The following RAB11FIP4 variants were observed in gnomAD, a reference collection of about 807,000 sequenced individuals.
RAB11FIP4 encodes rab11 family-interacting protein 4.
Under a neutral mutation model 74.3 loss-of-function variants are expected in RAB11FIP4, and 23 were observed. The ratio of observed to expected loss-of-function variants is 0.31; its 90% CI spans 0.22 to 0.44. RAB11FIP4 has a LOEUF of 0.44. Among genes scored for constraint, RAB11FIP4 ranks in the 20% least tolerant of loss-of-function variants. The pLI is 1.00. For missense variants in RAB11FIP4, 630 were observed against 863.9 expected (o/e 0.73, Z 3.39); for synonymous variants, 360 against 359.9 (o/e 1.00, Z 0.00).
At chr17:31,450,748 G>A (rs573479197) in intron 3 of RAB11FIP4, among the ~76,000 whole-genome samples, 80 of 149,232 alleles carry the variant, frequency 5.4e-4, no homozygotes, top group African/African-American at 1.9e-3. Flanking sequence ...TCCCAAGATA[G>A]TATTTTCCCC....
At chr17:31,397,422 G>A (rs1188740070) in intron 1 of RAB11FIP4, among the ~76,000 whole-genome samples, 2 of 152,192 alleles carry the variant, frequency 1.3e-5, no homozygotes, top group African/African-American at 2.4e-5. Context: ...AAGTCCCAAC[G>A]AGCTACTCCC....
At chr17:31,506,510 G>A (rs971112949) in intron 3 of RAB11FIP4, among the ~76,000 whole-genome samples, 9 of 152,116 alleles carry the variant, frequency 5.9e-5, no homozygotes, top group Non-Finnish European at 8.8e-5. Context: ...CTATAGCTTC[G>A]TGCCTGTTGA....
At chr17:31,413,245 G>A (rs2071115310) in intron 1 of RAB11FIP4, among the ~76,000 whole-genome samples, 1 of 152,276 alleles carries the variant, frequency 6.6e-6, no homozygotes, top group South Asian at 2.1e-4. Context: ...CCACAGCTCA[G>A]AGTGGCCCAA....
At chr17:31,396,814 A>C (rs920173319) in intron 1 of RAB11FIP4, among the ~76,000 whole-genome samples, 3 of 152,182 alleles carry the variant, frequency 2.0e-5, no homozygotes, top group Non-Finnish European at 4.4e-5. Context: ...AATAGAAATA[A>C]GAATCACCAA....
chr17:31,439,150 C>T (rs1006330602), intron 3 of RAB11FIP4, among the ~76,000 whole-genome samples: 5 of 152,174 alleles, frequency 3.3e-5, no homozygotes, highest in Admixed American at 3.3e-4. Context: ...TCCTTTTCAC[C>T]CCCAGGACAG....
intron 3 of RAB11FIP4, among the ~76,000 whole-genome samples, chr17:31,466,197 T>C (rs1202360895): frequency 6.6e-6 from 1 of 151,944 alleles, no homozygotes; most frequent in Non-Finnish European, 1.5e-5. Flanking sequence ...TTTACAGCAT[T>C]GCTTATCTGG....
Position 31,485,330 on chromosome 17 carries a change from G to A in RAB11FIP4, c.337-32321G>A, listed in dbSNP as rs905529158. On this transcript the variant is annotated intron_variant, in intron 3 of 14. Coordinates refer to ENST00000621161, the MANE Select transcript of RAB11FIP4 (RefSeq NM_032932.6). Reference sequence around the variant, plus strand: ...CACTACCTTTGAGAAAAATAAAGAAGGACCTACTGATACCACCCGTTCCAT... The same window carrying A: ...CACTACCTTTGAGAAAAATAAAGAAAGACCTACTGATACCACCCGTTCCAT... Among the ~76,000 whole-genome samples the A allele has an allele frequency of 4.6e-5, 7 of 152,264 alleles. No individual in the cohort carries two copies. The South Asian group carries it at 1.5e-3, about 32-fold the overall frequency.
intron 1 of RAB11FIP4, among the ~76,000 whole-genome samples, chr17:31,393,241 CG>C (rs998578837): frequency 6.6e-6 from 1 of 152,222 alleles, no homozygotes; most frequent in Admixed American, 6.5e-5. Context: ...CTGCCCTCTG[CG>C]GGGCTTTGCT....
At chr17:31,405,912 G>C (rs994914972) in intron 1 of RAB11FIP4, among the ~76,000 whole-genome samples, 1 of 152,034 alleles carries the variant, frequency 6.6e-6, no homozygotes, top group Admixed American at 6.5e-5. Context: ...AGAGATGGTG[G>C]TGTCTCCTCC....
At chr17:31,487,192 TG>T (rs1274101699) in intron 3 of RAB11FIP4, among the ~76,000 whole-genome samples, 2 of 152,242 alleles carry the variant, frequency 1.3e-5, no homozygotes, top group African/African-American at 4.8e-5. Flanking sequence ...CAACCACATT[TG>T]CAATATTTGC....
rs189050290 is a variant in RAB11FIP4 at position 31,528,592 on chromosome 17, C to T, written c.1495-28C>T. 8,693 of 1,613,344 alleles carry T rather than the reference C, an allele frequency of 5.4e-3. 44 individuals are homozygous for T. Among genetic ancestry groups the T allele is most frequent in the Middle Eastern group, 0.014 (87 of 6,060 alleles). ...CAGGGCTCCTTCCAGCATCCCTGCT[C>T]CTGCCAACCTGCTTCTCTCCCTCGC... On this transcript the variant is annotated intron_variant, in intron 12 of 14. Coordinates refer to ENST00000621161, the MANE Select transcript of RAB11FIP4 (RefSeq NM_032932.6).
At chr17:31,446,642 A>C (rs556928573) in intron 3 of RAB11FIP4, among the ~76,000 whole-genome samples, 1 of 151,440 alleles carries the variant, frequency 6.6e-6, no homozygotes, top group Admixed American at 6.6e-5. Flanking sequence ...AGAAAACTAG[A>C]AAAGACCCCC....
At chr17:31,443,603 C>A (rs2071425021) in intron 3 of RAB11FIP4, among the ~76,000 whole-genome samples, 1 of 140,506 alleles carries the variant, frequency 7.1e-6, no homozygotes, top group African/African-American at 2.8e-5. Flanking sequence ...GCACGCAGTC[C>A]CCTGATGGCA....
chr17:31,406,433 A>G (rs959995932), intron 1 of RAB11FIP4, among the ~76,000 whole-genome samples: 3 of 152,098 alleles, frequency 2.0e-5, no homozygotes, highest in African/African-American at 7.2e-5. Flanking sequence ...GCTTCTGGTC[A>G]CCTTTTCTAA....
At chr17:31,528,169 AG>A (rs1483242031) in intron 11 of RAB11FIP4, among the ~76,000 whole-genome samples, 1 of 152,248 alleles carries the variant, frequency 6.6e-6, no homozygotes, top group African/African-American at 2.4e-5. Flanking sequence ...CCTTCAATTC[AG>A]GTTGCATCTA....
At chr17:31,507,591 A>G (rs1423197594) in intron 3 of RAB11FIP4, among the ~76,000 whole-genome samples, 1 of 152,146 alleles carries the variant, frequency 6.6e-6, no homozygotes, top group African/African-American at 2.4e-5. Context: ...TATTCTGGCT[A>G]TCAGTCATCT....
In RAB11FIP4 at chr17:31,496,861, C is replaced by T. The variant is rs939724590; in HGVS notation, c.337-20790C>T. 5.9e-5 allele frequency among the ~76,000 whole-genome samples: 9 copies of T among 152,292 alleles called. No homozygotes were observed. The South Asian group carries it at 6.2e-4, about 11-fold the overall frequency. On this transcript the variant is annotated intron_variant, in intron 3 of 14. Transcript: ENST00000621161. Reference sequence around the variant, plus strand: ...GTGTTGTCCATGGGGTGCTGGATGTCGCATCGCTGAGAGCATTTGGTATTC... The same window carrying T: ...GTGTTGTCCATGGGGTGCTGGATGTTGCATCGCTGAGAGCATTTGGTATTC...
chr17:31,505,547 TATATAATAATAATTATAA>T (rs2072316264), intron 3 of RAB11FIP4, among the ~76,000 whole-genome samples: 1 of 88,870 alleles, frequency 1.1e-5, no homozygotes, highest in African/African-American at 4.8e-5. Flanking sequence ...TTATATATTA[TATATAATAATAATTATAA>T]TATATAATAA....
intron 1 of RAB11FIP4, among the ~76,000 whole-genome samples, chr17:31,394,046 G>T (rs2070904126): frequency 6.6e-6 from 1 of 152,072 alleles, no homozygotes; most frequent in Non-Finnish European, 1.5e-5. Context: ...AGAAACCTCT[G>T]CCAAGCCAGG....
Sources: gnomAD v4.1 joint callset for allele counts (sites outside exome capture counted in the v4.1 genomes callset) on GRCh38, gnomAD v4.1.1 for gene constraint, MANE v1.5 for transcripts, NCBI Gene and HGNC (gene_info 2026-07-23, HGNC 2026-07-21) for gene names.